The following PHF3 variants were observed in gnomAD, a reference collection of about 807,000 sequenced individuals.
PHF3 encodes PHD finger protein 3.
A neutral mutation model predicts 178.4 loss-of-function variants in PHF3; 41 were observed. The ratio of observed to expected loss-of-function variants is 0.23; its 90% CI spans 0.18 to 0.30. The LOEUF is 0.30. PHF3 is among the 10% of genes least tolerant of loss of function. The pLI is 1.00. For missense variants in PHF3, 2,346 were observed against 2,398.1 expected, an observed-to-expected ratio of 0.98 and a Z score of 0.45; for synonymous variants, 842 against 800.5, an observed-to-expected ratio of 1.05 and a Z score of -0.88.
chr6:63,679,728 AT>A, intron 2 of PHF3: 1 of 450,858 alleles, frequency 2.2e-6, no homozygotes, highest in South Asian at 1.7e-5. Flanking sequence ...CAAGTAATAA[AT>A]GGAAGTGATA....
rs560004219 is a variant in PHF3, at chr6:63,681,535, A to G, written c.406+1374A>G. On this transcript the variant is annotated intron_variant, in intron 3 of 15. Coordinates refer to ENST00000262043, the MANE Select transcript of PHF3 (RefSeq NM_001370348.2). Reference sequence around the variant, plus strand: ...TTCTTTAACGTGCTTAAATTTTCTCATATTTATCCTCCAACTTTTCAGTCA... The same window carrying G: ...TTCTTTAACGTGCTTAAATTTTCTCGTATTTATCCTCCAACTTTTCAGTCA... Among the ~76,000 whole-genome samples the G allele has an allele frequency of 4.6e-5, 7 of 151,664 alleles. No individual in the cohort carries two copies. In the South Asian group the frequency reaches 1.2e-3, roughly 27 times the overall value.
At chr6:63,688,461 A>T (rs1766847293) in intron 4 of PHF3, among the ~76,000 whole-genome samples, 1 of 148,598 alleles carries the variant, frequency 6.7e-6, no homozygotes, top group South Asian at 2.2e-4. Flanking sequence ...TCGGCCTCCC[A>T]AGTAGCTGGG....
At chr6:63,682,511 C>T (rs1766483515) in intron 3 of PHF3, among the ~76,000 whole-genome samples, 1 of 152,082 alleles carries the variant, frequency 6.6e-6, no homozygotes, top group African/African-American at 2.4e-5. Flanking sequence ...GCTGTTATAG[C>T]TTCAGTAGGG....
At chr6:63,663,543 G>A (rs951501228) in intron 2 of PHF3, among the ~76,000 whole-genome samples, 1 of 152,130 alleles carries the variant, frequency 6.6e-6, no homozygotes, top group Non-Finnish European at 1.5e-5. Flanking sequence ...AACACTTTCT[G>A]TACTCCAGAC....
rs755724145 is a variant in PHF3 at position 63,706,739 on chromosome 6, C to A, written c.3574C>A (p.Pro1192Thr). 2 of 1,613,312 alleles carry A rather than the reference C, an allele frequency of 1.2e-6. No individual in the cohort carries two copies. Among genetic ancestry groups the A allele is most frequent in the African/African-American group, 1.3e-5 (1 of 74,866 alleles). Residue 1192 changes from proline to threonine, a missense_variant, in exon 13 of 16, where the codon CCT (proline) becomes ACT (threonine). Physicochemically the swap from Pro to Thr is conservative, Grantham distance 38 (BLOSUM62 -1). Coordinates refer to ENST00000262043, the MANE Select transcript of PHF3 (RefSeq NM_001370348.2). ...AATGTCATTTTCTAGTCCAGAGATG[C>A]CTGGAACTGTTGAAGTTGAGTCTAC... Reference protein sequence around the residue: ...TFSPAPRPEMPGTVEVESTFL... With the variant: ...TFSPAPRPEMTGTVEVESTFL...
chr6:63,720,424 C>A lies in PHF3; in HGVS notation c.*6716C>A. On this transcript the variant is annotated 3_prime_UTR_variant, in exon 16 of 16. Transcript: ENST00000262043. ...ACAGATAAATTAGATGTAGGAAAAA[C>A]AATCAGAACCTTCAGTGACATTTTA... The A allele has an allele frequency of 1.9e-6, 1 of 537,334 alleles. No homozygotes were observed. The allele number at this position is 537,334 out of a possible 1,614,324, so 33.3% of individuals were successfully genotyped here.
chr6:63,665,481 T>C, intron 2 of PHF3, among the ~76,000 whole-genome samples: 1 of 132,356 alleles, frequency 7.6e-6, no homozygotes, highest in Non-Finnish European at 1.6e-5. Flanking sequence ...TTGTGGTTTT[T>C]TTTTGTTTTT....
In PHF3 at chr6:63,720,772, G is replaced by A; in HGVS notation, c.*7064G>A. 6.4e-7 allele frequency: 1 copy of A among 1,550,636 alleles called. No individual in the cohort carries two copies. Among genetic ancestry groups the A allele is most frequent in the African/African-American group, 1.4e-5 (1 of 73,052 alleles). On this transcript the variant is annotated 3_prime_UTR_variant, in exon 16 of 16. Coordinates refer to ENST00000262043, the MANE Select transcript of PHF3 (RefSeq NM_001370348.2). ...TTTCTACCATATTCAAAGCCCCCTA[G>A]ATAACAAATGCCATCATAGTTTAGA...
chr6:63,706,613 T>A (rs1395372531), intron 12 of PHF3, 116 bp from the exon 13 acceptor site: 6 of 785,700 alleles, frequency 7.6e-6, no homozygotes, highest in Non-Finnish European at 1.2e-5. Flanking sequence ...GAACTCTTTG[T>A]CAATAGCCTC....
intron 2 of PHF3, among the ~76,000 whole-genome samples, chr6:63,662,029 G>A (rs111910540): frequency 1.3e-5 from 2 of 152,200 alleles, no homozygotes; most frequent in African/African-American, 2.4e-5. Flanking sequence ...TCAGATCAGC[G>A]GTGGCATTAG....
Position 63,719,852 on chromosome 6 carries a change from ACTCTT to A in PHF3, c.*6149_*6153del, listed in dbSNP as rs1350478710. On this transcript the variant is annotated 3_prime_UTR_variant, in exon 16 of 16. Coordinates refer to ENST00000262043, the MANE Select transcript of PHF3 (RefSeq NM_001370348.2). ...GCAAAAAGCAACAGGCTTCTGCACT[ACTCTT>A]CTCTCCAGAGGCAACCATTTTTAAT... The A allele has an allele frequency of 6.6e-6, 1 of 151,994 alleles. No homozygotes were observed. The highest frequency in any genetic ancestry group is 1.5e-5 in the Non-Finnish European group (1 of 67,928). 9.4% of individuals were successfully genotyped at this position (151,994 alleles called of 1,614,324 possible).
chr6:63,642,309 A>G (rs996692435), intron 1 of PHF3, among the ~76,000 whole-genome samples: 2 of 152,070 alleles, frequency 1.3e-5, no homozygotes, highest in Admixed American at 6.5e-5. Context: ...CCAGAGTTTC[A>G]CCTTCCTCTG....
chr6:63,649,936 GCAGTAT>G (rs981401175), intron 2 of PHF3, among the ~76,000 whole-genome samples: 2 of 152,106 alleles, frequency 1.3e-5, no homozygotes, highest in African/African-American at 4.8e-5. Flanking sequence ...GTGTTTACTG[GCAGTAT>G]CAGTGTTATG....
intron 8 of PHF3, 21 bp from the exon 9 acceptor site, chr6:63,700,323 TCTATTC>T: frequency 8.8e-7 from 1 of 1,139,524 alleles, no homozygotes; most frequent in Non-Finnish European, 1.3e-6. Context: ...TGTCTCCCCT[TCTATTC>T]CTATTTTAAA....
rs757030691 is a variant in PHF3 at position 63,685,895 on chromosome 6, AAAC to A, written c.2174_2176del (p.Lys725_Pro726delinsThr). The stretch of plus-strand genomic sequence containing the variant: ...CAGCAAGCAGTGTGGGTTTTGCAAA[AAAC>A]CACATGGCAACAGGTGTGTGTGTAT... On this transcript the variant is annotated inframe_deletion, in exon 4 of 16. Transcript: ENST00000262043. The A allele has an allele frequency of 1.9e-6, 3 of 1,611,732 alleles. No homozygotes were observed. Among genetic ancestry groups the A allele is most frequent in the Non-Finnish European group, 2.5e-6 (3 of 1,179,562 alleles).
Position 63,691,491 on chromosome 6 carries a change from C to T in PHF3, c.2190-246C>T, listed in dbSNP as rs142824994. Among the ~76,000 whole-genome samples the T allele has an allele frequency of 5.1e-3, 769 of 152,144 alleles. 4 individuals carry two copies. Among genetic ancestry groups the T allele is most frequent in the African/African-American group, 0.018 (731 of 41,528 alleles). ...TTTCTTCCTGATGGTTTATTGTCCC[C>T]TCCCTCCCCCAGCATTTTCTCATTC... On this transcript the variant is annotated intron_variant, in intron 4 of 15. Coordinates refer to ENST00000262043, the MANE Select transcript of PHF3 (RefSeq NM_001370348.2).
chr6:63,682,565 A>G (rs915416425), intron 3 of PHF3, among the ~76,000 whole-genome samples: 1 of 152,102 alleles, frequency 6.6e-6, no homozygotes, highest in African/African-American at 2.4e-5. Flanking sequence ...TTATTTCATC[A>G]TCTTTTCTTG....
intron 1 of PHF3, 143 bp from the exon 2 acceptor site, chr6:63,646,384 C>A: frequency 6.0e-6 from 3 of 500,930 alleles, no homozygotes; most frequent in South Asian, 6.7e-5. Context: ...ATTCTAAAAA[C>A]AAGTGAGGAT....
rs1768225646 is a variant in PHF3, at chr6:63,717,468, G to T, written c.*3760G>T. Among the ~76,000 whole-genome samples, 1 of 151,890 alleles carries T rather than the reference G, an allele frequency of 6.6e-6. No homozygotes were observed. The highest frequency in any genetic ancestry group is 2.4e-5 in the African/African-American group (1 of 41,382). ...TTAAAGCAAATTGCAAATAAAATTGGTTACTGCTTTTAAAAAGGTGCCAAA... is the reference window on the plus strand; with the variant it reads ...TTAAAGCAAATTGCAAATAAAATTGTTTACTGCTTTTAAAAAGGTGCCAAA... On this transcript the variant is annotated 3_prime_UTR_variant, in exon 16 of 16. Transcript: ENST00000262043.
Sources: allele counts gnomAD v4.1 joint callset (sites outside exome capture counted in the v4.1 genomes callset), GRCh38; gene constraint gnomAD v4.1.1; transcripts MANE v1.5; gene names NCBI Gene and HGNC (gene_info 2026-07-23, HGNC 2026-07-21).